ADAM12: variants seen among roughly 807,000 people sequenced by gnomAD.
ADAM12 encodes disintegrin and metalloproteinase domain-containing protein 12.
A neutral mutation model predicts 106.4 loss-of-function variants in ADAM12; 70 were observed. The ratio of observed to expected loss-of-function variants is 0.66; its 90% CI spans 0.54 to 0.80. The LOEUF is 0.80. ADAM12 is among the 30% of genes least tolerant of loss of function. ADAM12 has a pLI of 0.00. For missense variants in ADAM12, 1,010 were observed against 1,171.9 expected (o/e 0.86, Z 2.02); for synonymous variants, 420 against 433.5 (o/e 0.97, Z 0.39).
At position 126,295,487 on chromosome 10, in the gene ADAM12, T is replaced by C. The variant is rs115210792; in HGVS notation, c.187-16499A>G. 8.0e-3 allele frequency among the ~76,000 whole-genome samples: 1,216 copies of C among 151,880 alleles called. 6 individuals carry two copies. Among genetic ancestry groups the C allele is most frequent in the Middle Eastern group, 0.027 (8 of 292 alleles). The stretch of plus-strand genomic sequence containing the variant: ...CAGGAAAACACTACTGTTCTTACAA[T>C]TGAATTTTCATTTTGCTGCAAACCA... On this transcript the variant is annotated intron_variant, in intron 2 of 22. Coordinates refer to ENST00000448723, the MANE Select transcript of ADAM12 (RefSeq NM_001288973.2).
intron 4 of ADAM12, among the ~76,000 whole-genome samples, chr10:126,146,404 C>T (rs1386834312): frequency 6.6e-6 from 1 of 152,044 alleles, no homozygotes; most frequent in Non-Finnish European, 1.5e-5. Context: ...CTTGTGGAGT[C>T]CTAGTTAGGG....
chr10:126,094,324 G>C lies in ADAM12; in HGVS notation c.997-191C>G, dbSNP rs562402442. On this transcript the variant is annotated intron_variant, in intron 10 of 22. Coordinates refer to ENST00000448723, the MANE Select transcript of ADAM12 (RefSeq NM_001288973.2). ...TATAATTTGACATTTCATTAAGCCA[G>C]TTTGGGGTCCTTTCGGCTGAGGAAT... Among the ~76,000 whole-genome samples the C allele has an allele frequency of 7.2e-5, 11 of 152,324 alleles. 1 individual carries two copies. The South Asian group carries it at 2.3e-3, about 32-fold the overall frequency.
intron 11 of ADAM12, among the ~76,000 whole-genome samples, chr10:126,084,806 C>T (rs1319560398): frequency 2.0e-5 from 3 of 152,254 alleles, no homozygotes; most frequent in South Asian, 2.1e-4. Context: ...CACAGGTACC[C>T]AGTGAAAGGC....
At chr10:126,248,723 A>G (rs1958682794) in intron 3 of ADAM12, among the ~76,000 whole-genome samples, 1 of 139,244 alleles carries the variant, frequency 7.2e-6, no homozygotes, top group African/African-American at 2.5e-5. Flanking sequence ...TTATTTATTT[A>G]TTTTGAGACA....
chr10:126,023,237 C>T (rs544651316), intron 21 of ADAM12, among the ~76,000 whole-genome samples: 23 of 152,262 alleles, frequency 1.5e-4, no homozygotes, highest in African/African-American at 5.5e-4. Context: ...ATATAAATGT[C>T]GTAAACCCTA....
chr10:126,127,423 A>T (rs1312635433), intron 5 of ADAM12, among the ~76,000 whole-genome samples: 1 of 152,202 alleles, frequency 6.6e-6, no homozygotes, highest in Non-Finnish European at 1.5e-5. Context: ...GAACTGCCTG[A>T]CCTTTGGGAG....
intron 21 of ADAM12, among the ~76,000 whole-genome samples, chr10:126,023,312 G>T (rs545901686): frequency 9.3e-4 from 142 of 152,246 alleles, no homozygotes; most frequent in Non-Finnish European, 1.7e-3. Context: ...AACATGGCAG[G>T]CTCTGTTGTT....
chr10:126,027,039 T>A (rs1302577848), intron 21 of ADAM12, among the ~76,000 whole-genome samples: 1 of 151,940 alleles, frequency 6.6e-6, no homozygotes, highest in Admixed American at 6.6e-5. Flanking sequence ...AAGAATCAAA[T>A]AGACACAATC....
intron 1 of ADAM12, among the ~76,000 whole-genome samples, chr10:126,360,582 G>T (rs1407858369): frequency 6.6e-6 from 1 of 152,138 alleles, no homozygotes; most frequent in African/African-American, 2.4e-5. Context: ...TTCCTAAAAA[G>T]TTCCTCATCT....
chr10:126,244,294 C>T (rs973551562), intron 3 of ADAM12, among the ~76,000 whole-genome samples: 2 of 152,128 alleles, frequency 1.3e-5, no homozygotes, highest in Admixed American at 6.5e-5. Flanking sequence ...GAAAACCAGC[C>T]GAGGGTTCAT....
Position 126,173,069 on chromosome 10 carries a change from A to G in ADAM12, c.261-17764T>C, listed in dbSNP as rs185552811. Among the ~76,000 whole-genome samples the G allele has an allele frequency of 1.5e-3, 226 of 152,292 alleles. 1 individual carries two copies. Among genetic ancestry groups the G allele is most frequent in the African/African-American group, 5.2e-3 (217 of 41,560 alleles). On this transcript the variant is annotated intron_variant, in intron 3 of 22. Coordinates refer to ENST00000448723, the MANE Select transcript of ADAM12 (RefSeq NM_001288973.2). ...GGAGTTGAACAATGAGAACACATGG[A>G]CATAGGGAGGTGAACATCACACACT...
At chr10:126,100,048 G>C (rs73378617) in intron 9 of ADAM12, among the ~76,000 whole-genome samples, 16,091 of 151,772 alleles carry the variant, frequency 0.11, 2,334 homozygotes, top group African/African-American at 0.33. Context: ...GCTATGCTTT[G>C]CCTTAGTTTA....
chr10:126,122,624 G>A (rs1413057851), intron 5 of ADAM12, among the ~76,000 whole-genome samples: 4 of 152,112 alleles, frequency 2.6e-5, no homozygotes, highest in South Asian at 2.1e-4. Context: ...AGCTGGGTGT[G>A]GTGGCACGCA....
chr10:126,077,841 A>G (rs1955132623), intron 11 of ADAM12, among the ~76,000 whole-genome samples: 1 of 152,152 alleles, frequency 6.6e-6, no homozygotes, highest in Non-Finnish European at 1.5e-5. Context: ...CTGCTTTTTA[A>G]GCAGGCAAAG....
At chr10:126,105,801 CAGG>C (rs1955756194) in intron 8 of ADAM12, among the ~76,000 whole-genome samples, 2 of 152,216 alleles carry the variant, frequency 1.3e-5, no homozygotes, top group South Asian at 4.1e-4. Flanking sequence ...TGCCTTTCAC[CAGG>C]ATTCTCCTGC....
chr10:126,041,461 G>C (rs1954167767), intron 18 of ADAM12: 5 of 985,514 alleles, frequency 5.1e-6, no homozygotes, highest in Non-Finnish European at 6.0e-6. Context: ...TGACTCTGTG[G>C]GTTCCCTGGC....
intron 11 of ADAM12, among the ~76,000 whole-genome samples, chr10:126,092,263 A>G (rs1021435932): frequency 1.3e-5 from 2 of 152,198 alleles, no homozygotes; most frequent in African/African-American, 4.8e-5. Context: ...TGCATTTTCT[A>G]TGGCTATGAG....
chr10:126,245,217 T>C (rs1322027714), intron 3 of ADAM12, among the ~76,000 whole-genome samples: 2 of 152,214 alleles, frequency 1.3e-5, no homozygotes, highest in African/African-American at 4.8e-5. Flanking sequence ...TAAGACAAAC[T>C]GGTGGCAGGG....
chr10:126,177,042 GCACACA>G (rs150341109), intron 3 of ADAM12, among the ~76,000 whole-genome samples: 1 of 150,700 alleles, frequency 6.6e-6, no homozygotes, highest in Non-Finnish European at 1.5e-5. Flanking sequence ...GTGCACATGT[GCACACA>G]CACACACACG....
Sources: allele counts gnomAD v4.1 joint callset (sites outside exome capture counted in the v4.1 genomes callset), GRCh38; gene constraint gnomAD v4.1.1; transcripts MANE v1.5; gene names NCBI Gene and HGNC (gene_info 2026-07-23, HGNC 2026-07-21).